ASTN2: variants seen among roughly 807,000 people sequenced by gnomAD.
ASTN2 encodes astrotactin-2.
In ASTN2, 54 loss-of-function variants were observed where a neutral mutation model predicts 139.8. The observed-to-expected ratio is 0.39, with a 90% confidence interval of 0.31 to 0.48. The LOEUF (loss-of-function observed/expected upper bound fraction) is 0.48, where lower values mean the gene tolerates loss of function less well. Among genes scored for constraint, ASTN2 ranks in the 20% least tolerant of loss-of-function variants. The pLI is 0.95. For synonymous variants in ASTN2, 756 were observed against 719.5 expected (o/e 1.05, Z -0.81); for missense variants, 1,565 against 1,725.1 (o/e 0.91, Z 1.64).
intron 19 of ASTN2, among the ~76,000 whole-genome samples, chr9:116,609,028 T>C (rs918254911): frequency 1.3e-5 from 2 of 151,670 alleles, no homozygotes; most frequent in African/African-American, 2.4e-5. Flanking sequence ...CTAGAAACTA[T>C]CCAAAATGGA....
At position 117,414,895 on chromosome 9, in the gene ASTN2, C is replaced by T. The variant is rs1000154716; in HGVS notation, c.44G>A (p.Gly15Glu). ...GARLSPGPGS[G>E]LRGRPRLCFH... Reference sequence around the variant, plus strand: ...GCAGAGCCTCGGCCGCCCCCGGAGCCCCGAGCCGGGGCCGGGGCTGAGCCG... The same window carrying T: ...GCAGAGCCTCGGCCGCCCCCGGAGCTCCGAGCCGGGGCCGGGGCTGAGCCG... Residue 15 changes from glycine (G) to glutamate (E), a missense_variant, in exon 1 of 23, where the codon GGG (glycine) becomes GAG (glutamate). Gly to Glu is a moderately conservative substitution (Grantham distance 98, BLOSUM62 -2). This residue lies in a region of ASTN2 where 596 missense variants were observed against 576.8 expected (regional missense o/e 1.03). Coordinates refer to ENST00000313400, the MANE Select transcript of ASTN2 (RefSeq NM_001365068.1). The surrounding 1 kb of genome is among the most constrained non-coding windows in gnomAD (Gnocchi z 4.2). The T allele has an allele frequency of 7.5e-5, 58 of 772,192 alleles. No individual in the cohort carries two copies. Among genetic ancestry groups the T allele is most frequent in the Non-Finnish European group, 9.5e-5 (57 of 602,972 alleles). The allele number at this position is 772,192 out of a possible 1,614,324, so 47.8% of individuals were successfully genotyped here.
intron 20 of ASTN2, among the ~76,000 whole-genome samples, chr9:116,478,719 G>A (rs10983188): frequency 0.056 from 8,569 of 152,044 alleles, 326 homozygotes; most frequent in East Asian, 0.16. Flanking sequence ...CTCAGGCTGG[G>A]CGCAGTGGCT....
chr9:117,072,761 G>A (rs1185720809), intron 5 of ASTN2, among the ~76,000 whole-genome samples: 1 of 152,108 alleles, frequency 6.6e-6, no homozygotes, highest in Admixed American at 6.6e-5. Context: ...TGAAACTAAG[G>A]TATATAGAAT....
intron 10 of ASTN2, among the ~76,000 whole-genome samples, chr9:116,942,183 C>T (rs1021172976): frequency 2.6e-5 from 4 of 151,946 alleles, no homozygotes; most frequent in Non-Finnish European, 4.4e-5. Context: ...AGTGCGGCAA[C>T]GTGGGATAAG....
intron 19 of ASTN2, among the ~76,000 whole-genome samples, chr9:116,495,284 C>A (rs772818361): frequency 3.3e-5 from 5 of 152,112 alleles, no homozygotes; most frequent in Non-Finnish European, 7.4e-5. Flanking sequence ...ACCAACAGCA[C>A]CTGAGTTTTC....
At chr9:116,964,256 TGCGC>T (rs1289773313) in intron 10 of ASTN2, among the ~76,000 whole-genome samples, 6 of 98,866 alleles carry the variant, frequency 6.1e-5, no homozygotes, top group South Asian at 3.3e-4. Context: ...TGTGTGTGTG[TGCGC>T]GCGCGCGCGT....
At chr9:116,924,067 G>T (rs115311579) in intron 10 of ASTN2, among the ~76,000 whole-genome samples, 3 of 152,098 alleles carry the variant, frequency 2.0e-5, no homozygotes, top group African/African-American at 7.2e-5. Context: ...AGGTGAATCC[G>T]TAAAGCAAAG....
At chr9:116,824,206 C>T (rs897361994) in intron 11 of ASTN2, among the ~76,000 whole-genome samples, 10 of 152,160 alleles carry the variant, frequency 6.6e-5, no homozygotes, top group African/African-American at 1.9e-4. Context: ...GTAAATAGTA[C>T]GGTAGCCAGC....
chr9:117,030,733 A>G (rs1838222645), intron 6 of ASTN2, among the ~76,000 whole-genome samples: 2 of 151,814 alleles, frequency 1.3e-5, no homozygotes, highest in Admixed American at 6.6e-5. Context: ...TTATGGATTT[A>G]GACATTCCTA....
intron 1 of ASTN2, among the ~76,000 whole-genome samples, chr9:117,326,622 C>T (rs955241519): frequency 2.0e-5 from 3 of 152,150 alleles, no homozygotes; most frequent in Non-Finnish European, 4.4e-5. Context: ...ATAGAAGAAT[C>T]AGGAGCACCC....
chr9:117,247,978 ATC>A (rs1833431172), intron 2 of ASTN2, among the ~76,000 whole-genome samples: 1 of 152,184 alleles, frequency 6.6e-6, no homozygotes, highest in African/African-American at 2.4e-5. Flanking sequence ...CTGCACAGTG[ATC>A]TTTTTATTCT....
In ASTN2 at chr9:117,214,716, CA is replaced by C; in HGVS notation, c.656del (p.Leu219ArgfsTer100). On this transcript the variant is annotated frameshift_variant, in exon 3 of 23. Coordinates refer to ENST00000313400, the MANE Select transcript of ASTN2 (RefSeq NM_001365068.1). LOFTEE classifies it high-confidence loss of function. ...ACAGCGCCACGGTGAACACCAGCAG[CA>C]GCAGCAGCAGCGCGATGAGGCCACC... ...VMGGLIALLL[L>X]LLVFTVALYA... is the part of the protein sequence containing the mutation. 1 of 1,507,746 alleles carries C rather than the reference CA, an allele frequency of 6.6e-7. No individual in the cohort carries two copies. The allele number at this position is 1,507,746 out of a possible 1,614,324, so 93.4% of individuals were successfully genotyped here.
intron 1 of ASTN2, among the ~76,000 whole-genome samples, chr9:117,299,277 A>G (rs574858444): frequency 1.3e-5 from 2 of 152,206 alleles, no homozygotes; most frequent in African/African-American, 2.4e-5. Context: ...AGCAGATGCA[A>G]ATACTCACTT....
chr9:116,914,575 A>ATT (rs1403037555), intron 10 of ASTN2, among the ~76,000 whole-genome samples: 2 of 106,350 alleles, frequency 1.9e-5, no homozygotes, highest in African/African-American at 3.9e-5. Context: ...ATTATTATTT[A>ATT]TATATATTTT....
chr9:116,545,150 C>G (rs1347966776), intron 19 of ASTN2, among the ~76,000 whole-genome samples: 2 of 152,222 alleles, frequency 1.3e-5, no homozygotes, highest in African/African-American at 2.4e-5. Flanking sequence ...CAATGCAGAG[C>G]CAGGGATGCC....
intron 11 of ASTN2, among the ~76,000 whole-genome samples, chr9:116,829,212 G>C (rs1355100033): frequency 6.6e-6 from 1 of 151,324 alleles, no homozygotes; most frequent in Non-Finnish European, 1.5e-5. Context: ...GCAATCTCAA[G>C]CAAAATGAAC....
intron 11 of ASTN2, among the ~76,000 whole-genome samples, chr9:116,847,158 C>T (rs1832464098): frequency 6.6e-6 from 1 of 152,066 alleles, no homozygotes; most frequent in African/African-American, 2.4e-5. Context: ...GCTCTGTCAC[C>T]AGACTGGAGT....
At chr9:116,864,326 A>G (rs1201872131) in intron 10 of ASTN2, among the ~76,000 whole-genome samples, 7 of 152,178 alleles carry the variant, frequency 4.6e-5, no homozygotes, top group Admixed American at 4.6e-4. Flanking sequence ...CTGACCCTCC[A>G]GGGCCCTAGA....
intron 13 of ASTN2, among the ~76,000 whole-genome samples, chr9:116,789,092 G>A (rs149201404): frequency 6.6e-6 from 1 of 152,258 alleles, no homozygotes; most frequent in East Asian, 1.9e-4. Flanking sequence ...TAACTCCTAA[G>A]AAGTAGGGAA....
Sources: allele counts gnomAD v4.1 joint callset (sites outside exome capture counted in the v4.1 genomes callset), GRCh38; gene constraint gnomAD v4.1.1; regional missense constraint gnomAD v4.1.1; non-coding constraint Gnocchi (gnomAD v3.1); transcripts MANE v1.5; gene names NCBI Gene and HGNC (gene_info 2026-07-23, HGNC 2026-07-21).